Variants in JAM2 observed in about 807,000 individuals in gnomAD.
The protein encoded by JAM2 is junctional adhesion molecule B.
In JAM2, 17 loss-of-function variants were observed where a neutral mutation model predicts 42.0. That is an observed-to-expected ratio of 0.40 (90% CI 0.28 to 0.61). JAM2 has a LOEUF of 0.61. Ranked by LOEUF, JAM2 falls within the 20% of genes least tolerant of loss-of-function variation. The pLI, the probability that JAM2 is intolerant of heterozygous loss-of-function variation, is 0.37. For missense variants in JAM2, 319 were observed against 358.3 expected, an observed-to-expected ratio of 0.89 and a Z score of 0.89; for synonymous variants, 118 against 128.6, an observed-to-expected ratio of 0.92 and a Z score of 0.56.
intron 1 of JAM2, among the ~76,000 whole-genome samples, chr21:25,655,400 A>G (rs1022137732): frequency 2.4e-4 from 8 of 33,688 alleles, no homozygotes; most frequent in Non-Finnish European, 4.4e-4. Flanking sequence ...TCTTTTTTGT[A>G]TGCTCCACTT....
chr21:25,715,922 A>C lies in JAM2; in HGVS notation c.*1250A>C, dbSNP rs1051058802. 1 of 152,132 alleles carries C rather than the reference A, an allele frequency of 6.6e-6. No homozygotes were observed. Among genetic ancestry groups the C allele is most frequent in the Non-Finnish European group, 1.5e-5 (1 of 68,018 alleles). The allele number at this position is 152,132 out of a possible 1,614,324, so 9.4% of individuals were successfully genotyped here. ...AGGGCATGTCCTATTCTTCTGGGCA[A>C]ATGTGGATGAAAAGGTCACTTGCTA... On this transcript the variant is annotated 3_prime_UTR_variant, in exon 10 of 10. Coordinates refer to ENST00000480456, the MANE Select transcript of JAM2 (RefSeq NM_021219.4).
chr21:25,652,704 T>C (rs1460077579), intron 1 of JAM2, among the ~76,000 whole-genome samples: 3 of 152,218 alleles, frequency 2.0e-5, no homozygotes, highest in Admixed American at 2.0e-4. Flanking sequence ...AAAAATTAAG[T>C]ACAGGTCCTA....
intron 1 of JAM2, among the ~76,000 whole-genome samples, chr21:25,663,442 C>T (rs2033140730): frequency 6.6e-6 from 1 of 152,126 alleles, no homozygotes; most frequent in Non-Finnish European, 1.5e-5. Context: ...ATATTTGTTC[C>T]CTTCAAGACT....
rs550433755 is a variant in JAM2 at position 25,699,596 on chromosome 21, G to A, written c.597+717G>A. 7.2e-5 allele frequency among the ~76,000 whole-genome samples: 11 copies of A among 151,906 alleles called. No homozygotes were observed. In the South Asian group the frequency reaches 1.2e-3, roughly 17 times the overall value. On this transcript the variant is annotated intron_variant, in intron 5 of 9. Coordinates refer to ENST00000480456, the MANE Select transcript of JAM2 (RefSeq NM_021219.4). ...GACTTAGCCGGGCGTGGTGGCGGGC[G>A]CCTGTAGTCCCAGCTACTCGGGAGG...
At chr21:25,689,277 T>A (rs1004131509) in intron 2 of JAM2, among the ~76,000 whole-genome samples, 1 of 152,192 alleles carries the variant, frequency 6.6e-6, no homozygotes, top group African/African-American at 2.4e-5. Flanking sequence ...TATTAATGTA[T>A]TTGTAGAGAA....
chr21:25,687,927 G>A (rs1041065935), intron 2 of JAM2, among the ~76,000 whole-genome samples: 2 of 152,108 alleles, frequency 1.3e-5, no homozygotes, highest in Non-Finnish European at 1.5e-5. Context: ...AACTGCTAAC[G>A]TACTAAGTAA....
chr21:25,639,893 G>A lies in JAM2; in HGVS notation c.67+5G>A. The A allele has an allele frequency of 6.3e-7, 1 of 1,582,202 alleles. No homozygotes were observed. Among genetic ancestry groups the A allele is most frequent in the Non-Finnish European group, 8.6e-7 (1 of 1,163,488 alleles). ...ACCTGGTGGTCGCCCTGGGCTGTAA[G>A]TTGCTCGGGTTCCTCTACCCTTCCT... On this transcript the variant is annotated splice_donor_5th_base_variant and intron_variant, in intron 1 of 9. Transcript: ENST00000480456.
chr21:25,669,684 G>A (rs1391983226), intron 1 of JAM2, among the ~76,000 whole-genome samples: 1 of 152,198 alleles, frequency 6.6e-6, no homozygotes, highest in Non-Finnish European at 1.5e-5. Flanking sequence ...TGAGGCTGTA[G>A]CTTATCCAAG....
chr21:25,661,157 A>C (rs976550027), intron 1 of JAM2, among the ~76,000 whole-genome samples: 5 of 152,162 alleles, frequency 3.3e-5, no homozygotes, highest in Non-Finnish European at 7.4e-5. Context: ...ATCCCATTTA[A>C]CATTATAAGT....
At chr21:25,711,679 C>T (rs2034386643) in intron 8 of JAM2, 2 of 260,994 alleles carry the variant, frequency 7.7e-6, no homozygotes, top group Non-Finnish European at 1.5e-5. Flanking sequence ...CTACTTCCCA[C>T]CCCTAACCTC....
chr21:25,660,790 T>A (rs1430271853), intron 1 of JAM2, among the ~76,000 whole-genome samples: 144 of 68,788 alleles, frequency 2.1e-3, no homozygotes, highest in East Asian at 5.4e-3. Context: ...ATATTTTTTT[T>A]TTTTTTTTTT....
intron 1 of JAM2, among the ~76,000 whole-genome samples, chr21:25,644,755 C>T (rs2032553920): frequency 6.6e-6 from 1 of 152,168 alleles, no homozygotes; most frequent in Non-Finnish European, 1.5e-5. Flanking sequence ...TTATGCACAG[C>T]GACAGTGTTT....
At position 25,639,765 on chromosome 21, in the gene JAM2, G is replaced by T. The variant is rs958134245; in HGVS notation, c.-57G>T. ...AGTTCAAGGGCCCCCGGCCTCCTGC[G>T]CTCCTGCCGCCGGGACCCTCGACCT... On this transcript the variant is annotated 5_prime_UTR_variant, in exon 1 of 10. Transcript: ENST00000480456. 2.4e-6 allele frequency: 3 copies of T among 1,263,782 alleles called. No homozygotes were observed. Among genetic ancestry groups the T allele is most frequent in the Non-Finnish European group, 3.3e-6 (3 of 907,122 alleles). 78.3% of individuals were successfully genotyped at this position (1,263,782 alleles called of 1,614,324 possible).
intron 1 of JAM2, among the ~76,000 whole-genome samples, chr21:25,679,231 G>A (rs1007385038): frequency 7.9e-5 from 12 of 152,160 alleles, no homozygotes; most frequent in Non-Finnish European, 1.8e-4. Context: ...TCAAAGAAGA[G>A]TTGTCATGTC....
At chr21:25,641,318 A>G (rs1178310224) in intron 1 of JAM2, among the ~76,000 whole-genome samples, 2 of 152,216 alleles carry the variant, frequency 1.3e-5, no homozygotes, top group Non-Finnish European at 2.9e-5. Flanking sequence ...TAAAAACAGA[A>G]AATCGTTCTG....
chr21:25,665,747 AT>A lies in JAM2; in HGVS notation c.68-18135del, dbSNP rs545526760. On this transcript the variant is annotated intron_variant, in intron 1 of 9. Coordinates refer to ENST00000480456, the MANE Select transcript of JAM2 (RefSeq NM_021219.4). ...AGGGCAACATGCTTTACCGATTTAA[AT>A]GTTAATCTCACGCCACACACAGTGG... Among the ~76,000 whole-genome samples, 8 of 152,290 alleles carry A rather than the reference AT, an allele frequency of 5.3e-5. No homozygotes were observed. The South Asian group carries it at 1.7e-3, about 32-fold the overall frequency.
In JAM2 at chr21:25,666,315, TTTA is replaced by T. The variant is rs35684752; in HGVS notation, c.68-17544_68-17542del. Among the ~76,000 whole-genome samples the T allele has an allele frequency of 2.1e-4, 31 of 146,550 alleles. 1 individual carries two copies. Among genetic ancestry groups the T allele is most frequent in the Admixed American group, 3.4e-4 (5 of 14,678 alleles). On this transcript the variant is annotated intron_variant, in intron 1 of 9. Transcript: ENST00000480456. ...TTTTAAAAATTACATTGTTACGGCT[TTTA>T]TTATTATTATTATTATTATTATTTG...
chr21:25,672,238 C>T (rs1240961169), intron 1 of JAM2, among the ~76,000 whole-genome samples: 1 of 152,076 alleles, frequency 6.6e-6, no homozygotes, highest in Non-Finnish European at 1.5e-5. Flanking sequence ...GTGCATGCCA[C>T]CACATCCAGG....
chr21:25,649,947 A>G (rs2032725844), intron 1 of JAM2, among the ~76,000 whole-genome samples: 1 of 152,236 alleles, frequency 6.6e-6, no homozygotes. Flanking sequence ...AGTATGTGCA[A>G]AAGAGACAAA....
Sources: allele counts gnomAD v4.1 joint callset (sites outside exome capture counted in the v4.1 genomes callset), GRCh38; gene constraint gnomAD v4.1.1; transcripts MANE v1.5; gene names NCBI Gene and HGNC (gene_info 2026-07-23, HGNC 2026-07-21).